ULK4: variants seen among roughly 807,000 people sequenced by gnomAD.
ULK4 encodes the protein unc-51 like kinase 4, also known as inactive serine/threonine-protein kinase ULK4.
In ULK4, 133 loss-of-function variants were observed where a neutral mutation model predicts 160.6. The observed-to-expected ratio is 0.83, with a 90% CI of 0.72 to 0.96. ULK4 has a LOEUF of 0.96. Ranked by LOEUF, ULK4 falls within the 40% of genes least tolerant of loss-of-function variation. The pLI is 0.00. For missense variants in ULK4, 1,580 were observed against 1,499.5 expected, an observed-to-expected ratio of 1.05 and a Z score of -0.89; for synonymous variants, 534 against 539.8, an observed-to-expected ratio of 0.99 and a Z score of 0.15.
chr3:41,382,511 T>C (rs1559558100), intron 35 of ULK4, among the ~76,000 whole-genome samples: 1 of 152,138 alleles, frequency 6.6e-6, no homozygotes, highest in South Asian at 2.1e-4. Context: ...ATAATTGTTA[T>C]TGCCAGTTTA....
chr3:41,748,198 C>T (rs1231895925), intron 22 of ULK4, among the ~76,000 whole-genome samples: 1 of 142,628 alleles, frequency 7.0e-6, no homozygotes, highest in Admixed American at 6.9e-5. Flanking sequence ...CGTATATATA[C>T]CATATATAGA....
intron 18 of ULK4, among the ~76,000 whole-genome samples, chr3:41,826,591 T>C: frequency 6.8e-6 from 1 of 146,104 alleles, no homozygotes; most frequent in Non-Finnish European, 1.5e-5. Flanking sequence ...AAGGGATCAA[T>C]TCAACAAGAA....
In ULK4 at chr3:41,637,038, G is replaced by A. The variant is rs561332158; in HGVS notation, c.3072-21321C>T. ...ATACATCATGGAATGGCTAAATCAA[G>A]CTCATTAATATATACATTATCTTCT... On this transcript the variant is annotated intron_variant, in intron 30 of 36. Transcript: ENST00000301831. 7.2e-5 allele frequency among the ~76,000 whole-genome samples: 11 copies of A among 152,192 alleles called. No individual in the cohort carries two copies. In the East Asian group the frequency reaches 2.1e-3, roughly 29 times the overall value.
At chr3:41,913,595 A>T (rs919103082) in intron 8 of ULK4, among the ~76,000 whole-genome samples, 1 of 152,234 alleles carries the variant, frequency 6.6e-6, no homozygotes, top group Non-Finnish European at 1.5e-5. Context: ...CAACAGAGGC[A>T]AGATTATTTT....
At chr3:41,495,110 C>G (rs1333603793) in intron 32 of ULK4, among the ~76,000 whole-genome samples, 2 of 152,134 alleles carry the variant, frequency 1.3e-5, no homozygotes, top group Non-Finnish European at 2.9e-5. Flanking sequence ...CAAAAAAGAG[C>G]CTGCATCACC....
In ULK4 at chr3:41,717,796, T is replaced by A; in HGVS notation, c.2387A>T (p.Asn796Ile). 6.2e-7 allele frequency: 1 copy of A among 1,614,096 alleles called. No individual in the cohort carries two copies. Among genetic ancestry groups the A allele is most frequent in the Non-Finnish European group, 8.5e-7 (1 of 1,180,002 alleles). ...ATCCAGGCATTTGGACAGGTATTCA[T>A]TGCCACTTTGCTGCTCCTTGCCTGG... ...TTPGKEQQSG[N>I]EYLSKCLDLL... The change falls in exon 23 of 37, where the codon AAT becomes ATT. Residue 796 changes from asparagine to isoleucine, a missense_variant. Asn to Ile is a moderately radical substitution (Grantham distance 149). Transcript: ENST00000301831.
chr3:41,821,458 AG>A (rs1229260925), intron 18 of ULK4, among the ~76,000 whole-genome samples: 6 of 152,224 alleles, frequency 3.9e-5, no homozygotes, highest in Non-Finnish European at 8.8e-5. Context: ...GGAAGTTCTG[AG>A]AAAGGAAAGA....
chr3:41,454,556 G>A (rs945820763), intron 34 of ULK4, among the ~76,000 whole-genome samples: 17 of 139,516 alleles, frequency 1.2e-4, no homozygotes, highest in African/African-American at 8.1e-5. Context: ...AAAAAAAAAA[G>A]AAAGAAAAGA....
intron 34 of ULK4, among the ~76,000 whole-genome samples, chr3:41,408,834 G>T (rs548402685): frequency 6.6e-6 from 1 of 152,238 alleles, no homozygotes; most frequent in East Asian, 1.9e-4. Flanking sequence ...TTTAACAATG[G>T]TGCCAAGACA....
intron 32 of ULK4, among the ~76,000 whole-genome samples, chr3:41,540,230 C>T (rs950609263): frequency 1.3e-5 from 2 of 151,692 alleles, no homozygotes; most frequent in African/African-American, 2.4e-5. Flanking sequence ...CCCAATAGGC[C>T]CCAGTGTGTG....
At chr3:41,745,577 A>G (rs1473511498) in intron 22 of ULK4, among the ~76,000 whole-genome samples, 2 of 151,832 alleles carry the variant, frequency 1.3e-5, no homozygotes, top group Non-Finnish European at 2.9e-5. Context: ...ATTTTAAAGA[A>G]AAATTAACAC....
intron 31 of ULK4, among the ~76,000 whole-genome samples, chr3:41,596,631 G>A (rs527467915): frequency 1.3e-5 from 2 of 152,222 alleles, no homozygotes; most frequent in Non-Finnish European, 2.9e-5. Context: ...GGTGGCATTC[G>A]GAGTGAGATA....
intron 30 of ULK4, among the ~76,000 whole-genome samples, chr3:41,658,203 G>A (rs1335293367): frequency 6.6e-6 from 1 of 152,156 alleles, no homozygotes; most frequent in African/African-American, 2.4e-5. Flanking sequence ...AACTTAGATT[G>A]GGGAAAATTT....
At chr3:41,539,576 G>C (rs1002701820) in intron 32 of ULK4, among the ~76,000 whole-genome samples, 2 of 152,150 alleles carry the variant, frequency 1.3e-5, no homozygotes, top group African/African-American at 2.4e-5. Context: ...TTGGGGAACA[G>C]GGATAGACTA....
At chr3:41,627,611 G>T (rs1044558990) in intron 30 of ULK4, among the ~76,000 whole-genome samples, 2 of 152,160 alleles carry the variant, frequency 1.3e-5, no homozygotes, top group Non-Finnish European at 2.9e-5. Flanking sequence ...AACTACCTCA[G>T]TATTTAATTT....
chr3:41,677,864 C>T (rs987737436), intron 29 of ULK4, among the ~76,000 whole-genome samples: 1 of 152,020 alleles, frequency 6.6e-6, no homozygotes. Flanking sequence ...ACGTTTGAAT[C>T]GGTACACTGA....
chr3:41,705,718 C>T (rs1386714672), intron 25 of ULK4, among the ~76,000 whole-genome samples: 4 of 152,140 alleles, frequency 2.6e-5, no homozygotes, highest in Non-Finnish European at 5.9e-5. Context: ...TGGTCTCAAA[C>T]TCCCGACCTC....
chr3:41,380,383 A>C (rs992553898), intron 35 of ULK4, among the ~76,000 whole-genome samples: 3 of 152,186 alleles, frequency 2.0e-5, no homozygotes, highest in African/African-American at 4.8e-5. Context: ...GACATACAAG[A>C]AAGTTTAGAA....
At chr3:41,343,814 A>G (rs2080740929) in intron 35 of ULK4, among the ~76,000 whole-genome samples, 1 of 152,220 alleles carries the variant, frequency 6.6e-6, no homozygotes. Context: ...AACCTTTTCA[A>G]GGAGAAGTAA....
Sources: allele counts gnomAD v4.1 joint callset (sites outside exome capture counted in the v4.1 genomes callset), GRCh38; gene constraint gnomAD v4.1.1; transcripts MANE v1.5; gene names NCBI Gene and HGNC (gene_info 2026-07-23, HGNC 2026-07-21).